Variants in NHLRC3 observed in about 807,000 individuals in gnomAD.
NHLRC3 encodes NHL repeat containing 3.
In NHLRC3, 23 loss-of-function variants were observed where a neutral mutation model predicts 32.0. The ratio of observed to expected loss-of-function variants is 0.72; its 90% CI spans 0.52 to 1.02. NHLRC3 has a LOEUF of 1.02. Among genes scored for constraint, NHLRC3 ranks in the 50% least tolerant of loss-of-function variants. The pLI is 0.00. For synonymous variants in NHLRC3, 159 were observed against 147.9 expected, an observed-to-expected ratio of 1.08 and a Z score of -0.55; for missense variants, 407 against 406.8, an observed-to-expected ratio of 1.00 and a Z score of -0.01.
chr13:39,044,265 GTGTCTGGGCA>G, intron 5 of NHLRC3, 84 bp downstream of exon 5: 1 of 908,610 alleles, frequency 1.1e-6, no homozygotes, highest in African/African-American at 1.6e-5. Flanking sequence ...GTGTGTGTGT[GTGTCTGGGCA>G]TGTATATATA....
Position 39,039,573 on chromosome 13 carries a change from A to G in NHLRC3, c.247A>G (p.Asn83Asp). Residue 83 changes from asparagine (N) to aspartate (D), a missense_variant, in exon 3 of 7, where the codon AAC (asparagine) becomes GAC (aspartate). Transcript: ENST00000379600. ...TTTTGTATACCTTCAGAGAGGGGAT[A>G]ACATCCCAAAGATATTAGTGTTCAC... The part of the protein sequence containing the change: ...GLVYIGQRGD[N>D]IPKILVFTED... 1 of 1,611,482 alleles carries G rather than the reference A, an allele frequency of 6.2e-7. No individual in the cohort carries two copies. Among genetic ancestry groups the G allele is most frequent in the Non-Finnish European group, 8.5e-7 (1 of 1,177,712 alleles).
At chr13:39,039,061 T>G in intron 1 of NHLRC3, 75 bp from the exon 2 acceptor site, 1 of 760,180 alleles carries the variant, frequency 1.3e-6, no homozygotes, top group East Asian at 2.7e-5. Context: ...TAAGCCCTGT[T>G]ACCCGGCCCC....
intron 2 of NHLRC3, 111 bp downstream of exon 2, chr13:39,039,399 A>T: frequency 9.1e-7 from 1 of 1,096,520 alleles, no homozygotes; most frequent in Non-Finnish European, 1.3e-6. Flanking sequence ...TGTGCAATTT[A>T]TTTTTGAGTT....
rs1871376488 is a variant in NHLRC3 at position 39,039,676 on chromosome 13, A to T, written c.350A>T (p.Tyr117Phe). 1.9e-6 allele frequency: 3 copies of T among 1,612,862 alleles called. No homozygotes were observed. Among genetic ancestry groups the T allele is most frequent in the Non-Finnish European group, 2.5e-6 (3 of 1,178,992 alleles). ...PHGIFAASTL[Y>F]EQSVWITDVG... is the part of the protein sequence containing the mutation. ...GGTATATTTGCAGCCAGTACTCTAT[A>T]TGAACAATCCGTCTGGATCACGGAT... The change falls in exon 3 of 7, where the codon TAT becomes TTT. Residue 117 changes from tyrosine to phenylalanine, a missense_variant. By Grantham distance (22) the Tyr-to-Phe change is conservative (BLOSUM62 3). Transcript: ENST00000379600.
chr13:39,041,098 A>G (rs1422624654), intron 3 of NHLRC3: 1 of 152,112 alleles, frequency 6.6e-6, no homozygotes, highest in African/African-American at 2.4e-5. Flanking sequence ...CATTTTTTCC[A>G]TTACAGCTAA....
chr13:39,046,678 A>G (rs545258927), intron 5 of NHLRC3, among the ~76,000 whole-genome samples: 2 of 152,364 alleles, frequency 1.3e-5, no homozygotes, highest in South Asian at 2.1e-4. Context: ...TACTCATTGA[A>G]AAATGAATGC....
rs1871770655 is a variant in NHLRC3 at position 39,048,359 on chromosome 13, T to G, written c.*433T>G. On this transcript the variant is annotated 3_prime_UTR_variant, in exon 7 of 7. Transcript: ENST00000379600. ...TAAATAAGATGAACTATTGATTAAT[T>G]TGAGTACCCACAGAGTGCTGTGTCT... 6.4e-6 allele frequency: 1 copy of G among 155,188 alleles called. No individual in the cohort carries two copies. Among genetic ancestry groups the G allele is most frequent in the African/African-American group, 2.4e-5 (1 of 41,458 alleles). 9.6% of individuals were successfully genotyped at this position (155,188 alleles called of 1,614,324 possible).
At position 39,044,163 on chromosome 13, in the gene NHLRC3, A is replaced by T; in HGVS notation, c.660A>T (p.Thr220=). The T allele has an allele frequency of 6.2e-7, 1 of 1,612,502 alleles. No homozygotes were observed. Among genetic ancestry groups the T allele is most frequent in the South Asian group, 1.1e-5 (1 of 91,042 alleles). ...AGTTCAACATACCTCACAGTGTTACACTTGATTCAGCTGGTCGGGTACAAA... is the reference window on the plus strand; with the variant it reads ...AGTTCAACATACCTCACAGTGTTACTCTTGATTCAGCTGGTCGGGTACAAA... ...PAKFNIPHSV[T]LDSAGRVWVA... Residue 220 remains threonine (T), a synonymous_variant, in exon 5 of 7, where the codon ACA becomes ACT. Transcript: ENST00000379600.
intron 3 of NHLRC3, 184 bp downstream of exon 3, chr13:39,039,895 G>T (rs572921161): frequency 1.1e-5 from 5 of 475,810 alleles, no homozygotes; most frequent in African/African-American, 1.9e-5. Flanking sequence ...TTTAACAAGG[G>T]CTGGACGCCG....
chr13:39,042,231 T>C lies in NHLRC3; in HGVS notation c.512T>C (p.Val171Ala). The change falls in exon 4 of 7, where the codon GTA (valine) becomes GCA (alanine). Residue 171 changes from valine (V) to alanine (A), a missense_variant. Transcript: ENST00000379600. ...TTTGATAACCCAGCAGAATTATATG[T>C]AGAGGACACAGGAGATATTTACATT... ...LQFDNPAELY[V>A]EDTGDIYIVD... The C allele has an allele frequency of 6.2e-7, 1 of 1,611,552 alleles. No homozygotes were observed. Among genetic ancestry groups the C allele is most frequent in the Non-Finnish European group, 8.5e-7 (1 of 1,177,744 alleles).
At chr13:39,045,776 C>G (rs1273970467) in intron 5 of NHLRC3, among the ~76,000 whole-genome samples, 2 of 152,208 alleles carry the variant, frequency 1.3e-5, no homozygotes, top group East Asian at 3.9e-4. Context: ...TGAGAAATTG[C>G]TTTACTTTGG....
intron 5 of NHLRC3, 162 bp downstream of exon 5, chr13:39,044,343 C>T (rs1443305228): frequency 1.6e-6 from 1 of 608,520 alleles, no homozygotes; most frequent in African/African-American, 1.9e-5. Context: ...GTGGGTATGT[C>T]TGGGTAATTA....
intron 2 of NHLRC3, 76 bp downstream of exon 2, chr13:39,039,364 C>A (rs1421394642): frequency 1.6e-6 from 2 of 1,252,860 alleles, no homozygotes; most frequent in African/African-American, 3.0e-5. Context: ...TAGTAACTGA[C>A]CATATGCGTT....
intron 5 of NHLRC3, chr13:39,044,430 G>A (rs1871590105): frequency 4.8e-6 from 2 of 416,358 alleles, no homozygotes; most frequent in Admixed American, 4.2e-5. Context: ...CAAACATTTA[G>A]AAAGGAGCAA....
Position 39,047,932 on chromosome 13 carries a change from C to G in NHLRC3, c.*6C>G. Reference sequence around the variant, plus strand: ...TTCCTTCATTTGGTTCATAATGTTTCTTTCCTGGGAATATTTCAAGTGGCA... The same window carrying G: ...TTCCTTCATTTGGTTCATAATGTTTGTTTCCTGGGAATATTTCAAGTGGCA... On this transcript the variant is annotated 3_prime_UTR_variant, in exon 7 of 7. Transcript: ENST00000379600. The G allele has an allele frequency of 1.3e-6, 2 of 1,587,756 alleles. No homozygotes were observed. Among genetic ancestry groups the G allele is most frequent in the Non-Finnish European group, 1.7e-6 (2 of 1,159,764 alleles).
chr13:39,039,334 A>G (rs755377326), intron 2 of NHLRC3, 46 bp downstream of exon 2: 1 of 1,469,074 alleles, frequency 6.8e-7, no homozygotes, highest in Non-Finnish European at 9.5e-7. Context: ...AAAGGAAGTA[A>G]CAGCCTTCCT....
At chr13:39,038,837 C>G (rs1453769579) in intron 1 of NHLRC3, 114 bp downstream of exon 1, 3 of 899,724 alleles carry the variant, frequency 3.3e-6, no homozygotes, top group Non-Finnish European at 5.6e-6. Context: ...TAGCTTGTCT[C>G]AAAGCCTGCA....
intron 5 of NHLRC3, among the ~76,000 whole-genome samples, chr13:39,044,941 G>A (rs1871612733): frequency 6.6e-6 from 1 of 152,110 alleles, no homozygotes; most frequent in African/African-American, 2.4e-5. Context: ...TAGATGTCAG[G>A]CTGTTGAAAG....
rs1157837405 is a variant in NHLRC3, at chr13:39,038,516, C to T, written c.-124C>T. The stretch of plus-strand genomic sequence containing the variant: ...GCTCGTGCATCCAGGGAGGGGAAAC[C>T]GGAGATAGGGTCTTCGGGCCCCGGG... On this transcript the variant is annotated 5_prime_UTR_variant, in exon 1 of 7. Coordinates refer to ENST00000379600, the MANE Select transcript of NHLRC3 (RefSeq NM_001012754.4). The T allele has an allele frequency of 5.2e-6, 4 of 768,376 alleles. No homozygotes were observed. Among genetic ancestry groups the T allele is most frequent in the African/African-American group, 3.5e-5 (2 of 57,808 alleles). The allele number at this position is 768,376 out of a possible 1,614,324, so 47.6% of individuals were successfully genotyped here.
Sources: gnomAD v4.1 joint callset for allele counts (sites outside exome capture counted in the v4.1 genomes callset) on GRCh38, gnomAD v4.1.1 for gene constraint, MANE v1.5 for transcripts, NCBI Gene and HGNC (gene_info 2026-07-23, HGNC 2026-07-21) for gene names.